ABI1: variants seen among roughly 807,000 people sequenced by gnomAD.
ABI1 encodes Abelson interactor 1.
ABI1 carries 14 observed loss-of-function variants against 54.6 expected under a neutral mutation model. The ratio of observed to expected loss-of-function variants is 0.26; its 90% CI spans 0.17 to 0.40. ABI1 has a LOEUF of 0.40. ABI1 is among the 10% of genes least tolerant of loss of function. ABI1 has a pLI of 1.00. For missense variants in ABI1, 443 were observed against 598.3 expected, an observed-to-expected ratio of 0.74 and a Z score of 2.71; for synonymous variants, 194 against 209.3, an observed-to-expected ratio of 0.93 and a Z score of 0.63.
chr10:26,810,434 T>G (rs1360535224), intron 2 of ABI1, among the ~76,000 whole-genome samples: 1 of 152,140 alleles, frequency 6.6e-6, no homozygotes, highest in Non-Finnish European at 1.5e-5. Flanking sequence ...TTACTATAAA[T>G]AGAGAAACCG....
chr10:26,814,493 A>T (rs1295626564), intron 2 of ABI1, among the ~76,000 whole-genome samples: 1 of 152,246 alleles, frequency 6.6e-6, no homozygotes, highest in Admixed American at 6.5e-5. Flanking sequence ...TTAATTGTGA[A>T]AAAGTTGGTG....
intron 1 of ABI1, among the ~76,000 whole-genome samples, chr10:26,824,135 A>G (rs931786390): frequency 2.0e-5 from 3 of 152,194 alleles, no homozygotes; most frequent in African/African-American, 7.2e-5. Flanking sequence ...TCACCAAAAA[A>G]GCAATGGAAC....
At chr10:26,770,409 A>C in intron 4 of ABI1, 64 bp from the exon 5 acceptor site, 5 of 1,413,220 alleles carry the variant, frequency 3.5e-6, no homozygotes, top group Non-Finnish European at 5.0e-6. Flanking sequence ...TTTTAACACC[A>C]TGTATTATTT....
At chr10:26,751,208 C>G (rs1305583035) in intron 10 of ABI1, among the ~76,000 whole-genome samples, 4 of 152,124 alleles carry the variant, frequency 2.6e-5, no homozygotes, top group African/African-American at 9.7e-5. Context: ...AGTGAACCAT[C>G]ATAAATCAGG....
At chr10:26,812,044 C>A (rs1260840866) in intron 2 of ABI1, among the ~76,000 whole-genome samples, 1 of 152,102 alleles carries the variant, frequency 6.6e-6, no homozygotes. Context: ...TCATTCTAAT[C>A]TCTGCTCCTG....
At chr10:26,757,807 C>T (rs1178246678) in intron 8 of ABI1, among the ~76,000 whole-genome samples, 1 of 152,096 alleles carries the variant, frequency 6.6e-6, no homozygotes, top group Non-Finnish European at 1.5e-5. Flanking sequence ...GTGGCTCACG[C>T]CTGTAATCCC....
rs1187110668 is a variant in ABI1 at position 26,746,770 on chromosome 10, CAAAT to C, written c.*1796_*1799del. ...AATATCCACATGTAAGGCCATTACA[CAAAT>C]AAATAACCAATGTTAAAATTCAAAT... is the stretch of plus-strand genomic sequence containing the variant. On this transcript the variant is annotated 3_prime_UTR_variant, in exon 11 of 11. Coordinates refer to ENST00000376140, the MANE Select transcript of ABI1 (RefSeq NM_001012750.3). 2 of 419,156 alleles carry C rather than the reference CAAAT, an allele frequency of 4.8e-6. No individual in the cohort carries two copies. The highest frequency in any genetic ancestry group is 4.0e-5 in the African/African-American group (2 of 50,376). 26.0% of individuals were successfully genotyped at this position (419,156 alleles called of 1,614,324 possible).
chr10:26,770,924 T>C, intron 4 of ABI1, 151 bp downstream of exon 4: 1 of 749,850 alleles, frequency 1.3e-6, no homozygotes, highest in East Asian at 2.7e-5. Flanking sequence ...ATGTTGCTTA[T>C]TTGAACTGAA....
chr10:26,787,483 C>T (rs767313751), intron 2 of ABI1, among the ~76,000 whole-genome samples: 1 of 152,114 alleles, frequency 6.6e-6, no homozygotes, highest in Non-Finnish European at 1.5e-5. Flanking sequence ...AAAAATTCTA[C>T]TCTGGTCTAC....
chr10:26,771,143 T>C, intron 3 of ABI1, 54 bp from the exon 4 acceptor site: 4 of 1,578,606 alleles, frequency 2.5e-6, no homozygotes, highest in Non-Finnish European at 2.6e-6. Context: ...GCTAGGTAAG[T>C]TATATCCGAT....
rs2051046408 is a variant in ABI1, at chr10:26,858,575, A to G, written c.117+2172T>C. ...AAAAAAAAAAAAAACGGGGCCACTGACTGTGGCTATTCGTGCACCATGGCA... is the reference window on the plus strand; with the variant it reads ...AAAAAAAAAAAAAACGGGGCCACTGGCTGTGGCTATTCGTGCACCATGGCA... On this transcript the variant is annotated intron_variant, in intron 1 of 10. Coordinates refer to ENST00000376140, the MANE Select transcript of ABI1 (RefSeq NM_001012750.3). 2.1e-5 allele frequency among the ~76,000 whole-genome samples: 3 copies of G among 146,018 alleles called. No homozygotes were observed. In the Admixed American group the frequency reaches 2.1e-4, roughly 10 times the overall value.
At position 26,765,376 on chromosome 10, in the gene ABI1, A is replaced by C. The variant is rs1381196422; in HGVS notation, c.720-58T>G. ...ATTCTAGAGACATATTTAAAAAAAA[A>C]CTGTAATCACCCAAGGCCACTAAAT... On this transcript the variant is annotated intron_variant, in intron 6 of 10. Coordinates refer to ENST00000376140, the MANE Select transcript of ABI1 (RefSeq NM_001012750.3). The C allele has an allele frequency of 4.0e-6, 5 of 1,243,774 alleles. No homozygotes were observed. In the South Asian group the frequency reaches 7.0e-5, roughly 17 times the overall value. The allele number at this position is 1,243,774 out of a possible 1,614,324, so 77.0% of individuals were successfully genotyped here.
Position 26,748,649 on chromosome 10 carries a change from C to G in ABI1, c.1367G>C (p.Trp456Ser). 1 of 1,613,482 alleles carries G rather than the reference C, an allele frequency of 6.2e-7. No homozygotes were observed. Among genetic ancestry groups the G allele is most frequent in the Non-Finnish European group, 8.5e-7 (1 of 1,179,642 alleles). ...IYVIKKNDDGWYEGVCNRVTG... is the reference protein window; with the variant it reads ...IYVIKKNDDGSYEGVCNRVTG... The stretch of plus-strand genomic sequence containing the variant: ...CACTCGATTGCAGACTCCTTCATAC[C>G]AGCCATCATCATTCTTCTTTATAAC... The change falls in exon 11 of 11, where the codon TGG becomes TCG. Residue 456 changes from tryptophan (W) to serine (S), a missense_variant. Physicochemically the swap from Trp to Ser is radical, Grantham distance 177 (BLOSUM62 -3). Transcript: ENST00000376140.
At chr10:26,858,524 C>A in intron 1 of ABI1, among the ~76,000 whole-genome samples, 1 of 138,686 alleles carries the variant, frequency 7.2e-6, no homozygotes, top group African/African-American at 2.8e-5. Flanking sequence ...CCCACCCCGC[C>A]CCCACAAAAA....
intron 9 of ABI1, among the ~76,000 whole-genome samples, chr10:26,754,075 G>A (rs574688412): frequency 2.0e-5 from 3 of 152,304 alleles, no homozygotes; most frequent in African/African-American, 7.2e-5. Flanking sequence ...AAACTCTGCA[G>A]CATTAATGAC....
In ABI1 at chr10:26,777,095, T is replaced by G. The variant is rs761197223; in HGVS notation, c.432A>C (p.Thr144=). 6.2e-7 allele frequency: 1 copy of G among 1,611,794 alleles called. No homozygotes were observed. The highest frequency in any genetic ancestry group is 8.5e-7 in the Non-Finnish European group (1 of 1,179,406). The change falls in exon 3 of 11, where the codon ACA becomes ACC. Residue 144 remains threonine, a synonymous_variant. Coordinates refer to ENST00000376140, the MANE Select transcript of ABI1 (RefSeq NM_001012750.3). ...VRYIRKPIDY[T]VLDDVGHGVK... ...CACCATGGCCCACATCATCCAGAAC[T>G]GTGTAATCGATAGGTTTCCGAATAT... is the stretch of plus-strand genomic sequence containing the variant.
chr10:26,794,116 G>A (rs189194310), intron 2 of ABI1, among the ~76,000 whole-genome samples: 13 of 152,100 alleles, frequency 8.5e-5, no homozygotes, highest in Admixed American at 2.0e-4. Flanking sequence ...TGACATGTGC[G>A]CCTGTAGTCC....
chr10:26,802,702 T>C (rs950728879), intron 2 of ABI1, among the ~76,000 whole-genome samples: 5 of 151,906 alleles, frequency 3.3e-5, no homozygotes, highest in Non-Finnish European at 7.4e-5. Flanking sequence ...GTGGGAGAGA[T>C]TACAACAATG....
intron 3 of ABI1, among the ~76,000 whole-genome samples, chr10:26,773,212 A>ATTTTTTTTTTTTTTTTTTTTTTT (rs1342694391): frequency 2.2e-4 from 14 of 63,352 alleles, no homozygotes; most frequent in Middle Eastern, 7.6e-3. Context: ...TCTAATGCTA[A>ATTTTTTTTTTTTTTTTTTTTTTT]TTCTTTTTTT....
Sources: gnomAD v4.1 joint callset for allele counts (sites outside exome capture counted in the v4.1 genomes callset) on GRCh38, gnomAD v4.1.1 for gene constraint, MANE v1.5 for transcripts, NCBI Gene and HGNC (gene_info 2026-07-23, HGNC 2026-07-21) for gene names.